Variants in TNKS observed in about 807,000 individuals in gnomAD.
TNKS encodes poly [ADP-ribose] polymerase tankyrase-1.
A neutral mutation model predicts 135.8 loss-of-function variants in TNKS; 72 were observed. That is an observed-to-expected ratio of 0.53 (90% confidence interval 0.44 to 0.64). TNKS has a LOEUF of 0.64. Ranked by LOEUF, TNKS falls within the 30% of genes least tolerant of loss-of-function variation. TNKS has a pLI of 0.00. For synonymous variants in TNKS, 849 were observed against 649.3 expected (o/e 1.31, Z -4.68); for missense variants, 1,769 against 1,674.0 (o/e 1.06, Z -0.99).
At chr8:9,682,298 C>T (rs777759139) in intron 5 of TNKS, among the ~76,000 whole-genome samples, 27 of 152,046 alleles carry the variant, frequency 1.8e-4, no homozygotes, top group Non-Finnish European at 3.7e-4. Flanking sequence ...TTTCTACAGC[C>T]GGAGTCGATT....
intron 1 of TNKS, among the ~76,000 whole-genome samples, chr8:9,561,919 C>T (rs1585168216): frequency 6.6e-6 from 1 of 152,086 alleles, no homozygotes; most frequent in Admixed American, 6.5e-5. Context: ...TCGGTTCAAG[C>T]GATTCTCCTG....
intron 1 of TNKS, among the ~76,000 whole-genome samples, chr8:9,564,736 C>G (rs945217088): frequency 2.6e-5 from 4 of 152,184 alleles, no homozygotes; most frequent in Non-Finnish European, 4.4e-5. Flanking sequence ...GCTCTTGAGG[C>G]ACCTAATACC....
At chr8:9,627,206 C>A (rs1027245689) in intron 3 of TNKS, among the ~76,000 whole-genome samples, 1 of 152,182 alleles carries the variant, frequency 6.6e-6, no homozygotes, top group African/African-American at 2.4e-5. Flanking sequence ...ATGGAAGCGC[C>A]TCTCCCCCTT....
chr8:9,706,330 C>G (rs1388153387), intron 7 of TNKS, 77 bp downstream of exon 7: 7 of 1,156,546 alleles, frequency 6.1e-6, no homozygotes, highest in Non-Finnish European at 8.4e-6. Flanking sequence ...TCCATACTTT[C>G]GGCCTCATGA....
chr8:9,646,162 C>G (rs1353065461), intron 3 of TNKS, among the ~76,000 whole-genome samples: 1 of 152,094 alleles, frequency 6.6e-6, no homozygotes, highest in Non-Finnish European at 1.5e-5. Context: ...TGCTTACTTA[C>G]ATTGCTTGCA....
rs537825756 is a variant in TNKS, at chr8:9,599,965, A to C, written c.899-15617A>C. On this transcript the variant is annotated intron_variant, in intron 2 of 26. Transcript: ENST00000310430. ...TATATAGAAGACCTCTCCCATGTAA[A>C]ACTCAGTAATTTTATTCACATGGAT... Among the ~76,000 whole-genome samples, 10 of 152,320 alleles carry C rather than the reference A, an allele frequency of 6.6e-5. No homozygotes were observed. In the South Asian group the frequency reaches 2.1e-3, roughly 32 times the overall value.
chr8:9,725,254 G>A (rs1407694316), intron 12 of TNKS, among the ~76,000 whole-genome samples: 1 of 152,128 alleles, frequency 6.6e-6, no homozygotes, highest in Non-Finnish European at 1.5e-5. Flanking sequence ...AAATGCTTTT[G>A]GAATGCTCTC....
intron 5 of TNKS, among the ~76,000 whole-genome samples, chr8:9,689,870 T>G: frequency 6.6e-6 from 1 of 152,230 alleles, no homozygotes; most frequent in East Asian, 1.9e-4. Flanking sequence ...AATTATTAAA[T>G]GCCGATCAGT....
At chr8:9,561,926 C>T (rs1263056475) in intron 1 of TNKS, among the ~76,000 whole-genome samples, 1 of 152,188 alleles carries the variant, frequency 6.6e-6, no homozygotes, top group Non-Finnish European at 1.5e-5. Context: ...AAGCGATTCT[C>T]CTGCCTCAGC....
intron 2 of TNKS, among the ~76,000 whole-genome samples, chr8:9,601,536 C>G (rs551040928): frequency 1.3e-5 from 2 of 152,116 alleles, no homozygotes; most frequent in African/African-American, 2.4e-5. Flanking sequence ...TGAGATAATA[C>G]AGGCGTATGT....
chr8:9,776,577 C>A, intron 26 of TNKS, 73 bp from the exon 27 acceptor site: 1 of 1,401,312 alleles, frequency 7.1e-7, no homozygotes, highest in Non-Finnish European at 1.0e-6. Flanking sequence ...GCCTTTGAGG[C>A]TTCCACATTC....
At chr8:9,569,456 C>T (rs1377148654) in intron 1 of TNKS, among the ~76,000 whole-genome samples, 1 of 152,184 alleles carries the variant, frequency 6.6e-6, no homozygotes, top group African/African-American at 2.4e-5. Context: ...ACTTGTGATA[C>T]ATGATACTAT....
chr8:9,569,278 C>T (rs974965560), intron 1 of TNKS, among the ~76,000 whole-genome samples: 5 of 152,174 alleles, frequency 3.3e-5, no homozygotes, highest in Non-Finnish European at 5.9e-5. Flanking sequence ...AGCTCCATAG[C>T]ACACACACAT....
Position 9,556,544 on chromosome 8 carries a change from T to C in TNKS, c.605T>C (p.Val202Ala), listed in dbSNP as rs138423475. 1.2e-5 allele frequency: 19 copies of C among 1,613,778 alleles called. No individual in the cohort carries two copies. Among genetic ancestry groups the C allele is most frequent in the Non-Finnish European group, 1.5e-5 (18 of 1,180,012 alleles). ...GACGTGTCCCGGGTAAAGAGGCTGG[T>C]GGACGCGGCAAACGTAAATGCAAAG... ...NGDVSRVKRL[V>A]DAANVNAKDM... is the part of the protein sequence containing the mutation. The change falls in exon 1 of 27, where the codon GTG (valine) becomes GCG (alanine). Residue 202 changes from valine to alanine, a missense_variant. Coordinates refer to ENST00000310430, the MANE Select transcript of TNKS (RefSeq NM_003747.3).
At position 9,598,745 on chromosome 8, in the gene TNKS, A is replaced by G. The variant is rs1209766116; in HGVS notation, c.899-16837A>G. On this transcript the variant is annotated intron_variant, in intron 2 of 26. Coordinates refer to ENST00000310430, the MANE Select transcript of TNKS (RefSeq NM_003747.3). The stretch of plus-strand genomic sequence containing the variant: ...TGTGTGTGTGTGTGTCTGTGTGTGT[A>G]TATATGTATATGTGTGTGTGTATAT... 4.9e-3 allele frequency among the ~76,000 whole-genome samples: 479 copies of G among 97,592 alleles called. 11 individuals are homozygous for G. The highest frequency in any genetic ancestry group is 0.016 in the African/African-American group (443 of 26,878). 64.0% of individuals were successfully genotyped at this position (97,592 alleles called of 152,430 possible).
In TNKS at chr8:9,779,220, T is replaced by C. The variant is rs1417598418; in HGVS notation, c.*2484T>C. 1 of 152,548 alleles carries C rather than the reference T, an allele frequency of 6.6e-6. No individual in the cohort carries two copies. Among genetic ancestry groups the C allele is most frequent in the East Asian group, 1.9e-4 (1 of 5,196 alleles). The allele number at this position is 152,548 out of a possible 1,614,324, so 9.4% of individuals were successfully genotyped here. On this transcript the variant is annotated 3_prime_UTR_variant, in exon 27 of 27. Coordinates refer to ENST00000310430, the MANE Select transcript of TNKS (RefSeq NM_003747.3). ...CTTGAAAACCAAAGGTCATCATGAG[T>C]GCACTCAAAAGTTAGGACAAGTTTA...
Position 9,779,108 on chromosome 8 carries a change from C to T in TNKS, c.*2372C>T, listed in dbSNP as rs1363878627. 1 of 152,486 alleles carries T rather than the reference C, an allele frequency of 6.6e-6. No homozygotes were observed. The highest frequency in any genetic ancestry group is 1.5e-5 in the Non-Finnish European group (1 of 68,022). The allele number at this position is 152,486 out of a possible 1,614,324, so 9.4% of individuals were successfully genotyped here. On this transcript the variant is annotated 3_prime_UTR_variant, in exon 27 of 27. Coordinates refer to ENST00000310430, the MANE Select transcript of TNKS (RefSeq NM_003747.3). ...ATAATGATTCAAGTATATAGTAGTT[C>T]TTGAAAGAGTGTGCATATATTACTC...
chr8:9,572,996 ATACT>A (rs1426313498), intron 1 of TNKS, among the ~76,000 whole-genome samples: 2 of 151,842 alleles, frequency 1.3e-5, no homozygotes, highest in Non-Finnish European at 2.9e-5. Context: ...TGGACTGATA[ATACT>A]TAAGATAGGG....
intron 2 of TNKS, among the ~76,000 whole-genome samples, chr8:9,600,274 A>C (rs1381289108): frequency 1.3e-5 from 2 of 152,160 alleles, no homozygotes; most frequent in African/African-American, 4.8e-5. Flanking sequence ...CAGACTTTGT[A>C]GTGAACTTTA....
Sources: gnomAD v4.1 joint callset for allele counts (sites outside exome capture counted in the v4.1 genomes callset) on GRCh38, gnomAD v4.1.1 for gene constraint, MANE v1.5 for transcripts, NCBI Gene and HGNC (gene_info 2026-07-23, HGNC 2026-07-21) for gene names.